The following ETFBKMT variants were observed in gnomAD, a reference collection of about 807,000 sequenced individuals.
The protein encoded by ETFBKMT is electron transfer flavoprotein subunit beta lysine methyltransferase, also known as electron transfer flavoprotein beta subunit lysine methyltransferase.
In ETFBKMT, 13 loss-of-function variants were observed where a neutral mutation model predicts 18.3. That is an observed-to-expected ratio of 0.71 (90% CI 0.46 to 1.13). The LOEUF (loss-of-function observed/expected upper bound fraction) is 1.13. Among genes scored for constraint, ETFBKMT ranks in the 50% most tolerant of loss-of-function variants. The probability of loss-of-function intolerance (pLI) is 0.00; values close to 1 mark genes in which losing one functional copy is unlikely to be tolerated. For missense variants in ETFBKMT, 293 were observed against 306.2 expected (o/e 0.96, Z 0.32); for synonymous variants, 84 against 107.9 (o/e 0.78, Z 1.37).
At chr12:31,651,836 T>C (rs1409671195) in intron 1 of ETFBKMT, among the ~76,000 whole-genome samples, 4 of 152,322 alleles carry the variant, frequency 2.6e-5, no homozygotes, top group South Asian at 4.1e-4. Flanking sequence ...TTCTTTTTCA[T>C]GAAAAGCAGC....
At position 31,650,347 on chromosome 12, in the gene ETFBKMT, T is replaced by C. The variant is rs552195015; in HGVS notation, c.-114+3092T>C. On this transcript the variant is annotated intron_variant, in intron 1 of 3. Coordinates refer to the ETFBKMT transcript ENST00000412352. ...GTGGCAACATCAGGAAGTTACCCTA[T>C]ATAGTCTCAAAGGGGAGGCATAAAT... Among the ~76,000 whole-genome samples the C allele has an allele frequency of 1.1e-4, 17 of 152,204 alleles. No homozygotes were observed. In the South Asian group the frequency reaches 3.5e-3, roughly 32 times the overall value.
chr12:31,655,512 G>C (rs932257879), upstream of ETFBKMT, among the ~76,000 whole-genome samples: 4 of 152,186 alleles, frequency 2.6e-5, no homozygotes, highest in Admixed American at 1.3e-4. Flanking sequence ...CACACCGACT[G>C]TGTCAATTAT....
At position 31,672,057 on chromosome 12, in the gene ETFBKMT, G is replaced by A. The variant is rs1951284240; in HGVS notation, c.*4067G>A. On this transcript the variant is annotated 3_prime_UTR_variant, in exon 4 of 4. Coordinates refer to ENST00000357721, the MANE Select transcript of ETFBKMT (RefSeq NM_001135863.2). The stretch of plus-strand genomic sequence containing the variant: ...CACCATAGATCAGAGTTCATGCTAG[G>A]ATTATCATTTCAAAAATAATGACTC... 5.2e-6 allele frequency: 2 copies of A among 385,674 alleles called. No homozygotes were observed. Among genetic ancestry groups the A allele is most frequent in the South Asian group, 9.0e-5 (2 of 22,152 alleles). The allele number at this position is 385,674 out of a possible 1,614,324, so 23.9% of individuals were successfully genotyped here.
Position 31,672,095 on chromosome 12 carries a change from T to C in ETFBKMT, c.*4105T>C. 6.4e-6 allele frequency: 3 copies of C among 468,378 alleles called. No homozygotes were observed. Among genetic ancestry groups the C allele is most frequent in the South Asian group, 7.2e-5 (2 of 27,652 alleles). The allele number at this position is 468,378 out of a possible 1,614,324, so 29.0% of individuals were successfully genotyped here. A position where few individuals can be genotyped will look rare whatever the true frequency, so the allele number is the denominator to read the frequency against. ...AAAATAATGACTCATCCAACAGATA[T>C]AGAATAATAGCACTTTAAAGATGTT... On this transcript the variant is annotated 3_prime_UTR_variant, in exon 4 of 4. Transcript: ENST00000357721.
upstream of ETFBKMT, among the ~76,000 whole-genome samples, chr12:31,655,871 G>C (rs11051516): frequency 0.059 from 9,027 of 152,230 alleles, 528 homozygotes; most frequent in East Asian, 0.27. Context: ...TGGATTGATT[G>C]AGATTCTTGC....
intron 2 of ETFBKMT, 123 bp downstream of exon 2, chr12:31,662,390 T>C: frequency 1.2e-6 from 1 of 857,930 alleles, no homozygotes; most frequent in Non-Finnish European, 1.8e-6. Flanking sequence ...CTCAGTACTT[T>C]GGGAGGCTGA....
chr12:31,664,102 C>G (rs1161196371), intron 2 of ETFBKMT, among the ~76,000 whole-genome samples: 1 of 151,526 alleles, frequency 6.6e-6, no homozygotes, highest in East Asian at 1.9e-4. Flanking sequence ...AACGGGTCCC[C>G]TTCACCCCTG....
chr12:31,651,412 T>G (rs1160324610), intron 1 of ETFBKMT, among the ~76,000 whole-genome samples: 1 of 151,262 alleles, frequency 6.6e-6, no homozygotes, highest in Non-Finnish European at 1.5e-5. Flanking sequence ...CGGGTTGCAG[T>G]GAGGCAACCC....
rs1442301284 is a variant in ETFBKMT, at chr12:31,671,576, G to A, written c.*3586G>A. On this transcript the variant is annotated 3_prime_UTR_variant, in exon 4 of 4. Coordinates refer to ENST00000357721, the MANE Select transcript of ETFBKMT (RefSeq NM_001135863.2). ...GAAATCAATAAACCTGAGGATACAA[G>A]TCTCTGTAGTGATATTCTGTATTTA... 1 of 152,112 alleles carries A rather than the reference G, an allele frequency of 6.6e-6. No individual in the cohort carries two copies. The highest frequency in any genetic ancestry group is 1.5e-5 in the Non-Finnish European group (1 of 68,014). 9.4% of individuals were successfully genotyped at this position (152,112 alleles called of 1,614,324 possible). A position where few individuals can be genotyped will look rare whatever the true frequency, so the allele number is the denominator to read the frequency against.
chr12:31,663,417 G>A (rs369942320), intron 2 of ETFBKMT, among the ~76,000 whole-genome samples: 6 of 151,946 alleles, frequency 3.9e-5, no homozygotes, highest in African/African-American at 1.5e-4. Flanking sequence ...GTAGAGACAG[G>A]GTTTCACCAT....
At position 31,672,656 on chromosome 12, in the gene ETFBKMT, G is replaced by C. The variant is rs114316738; in HGVS notation, c.*4666G>C. Reference sequence around the variant, plus strand: ...AATTTCATCATAATTCCACCAACCAGAGTAATGGTCTAATTTCACCATTAA... The same window carrying C: ...AATTTCATCATAATTCCACCAACCACAGTAATGGTCTAATTTCACCATTAA... On this transcript the variant is annotated 3_prime_UTR_variant, in exon 4 of 4. Transcript: ENST00000357721. 3.3e-4 allele frequency: 98 copies of C among 293,460 alleles called. No individual in the cohort carries two copies. Among genetic ancestry groups the C allele is most frequent in the African/African-American group, 2.1e-3 (96 of 45,788 alleles). The allele number at this position is 293,460 out of a possible 1,614,324, so 18.2% of individuals were successfully genotyped here. A position where few individuals can be genotyped will look rare whatever the true frequency, so the allele number is the denominator to read the frequency against.
At chr12:31,650,626 C>CTTTTTTTTTTTTTTTTTTTTTTTTTTTT (rs543201341) in intron 1 of ETFBKMT, among the ~76,000 whole-genome samples, 3 of 140,640 alleles carry the variant, frequency 2.1e-5, no homozygotes, top group Admixed American at 7.4e-5. Context: ...AATGACCTGA[C>CTTTTTTTTTTTTTTTTTTTTTTTTTTTT]CTTTTTTTTT....
At chr12:31,665,125 T>C (rs1160577942) in intron 2 of ETFBKMT, among the ~76,000 whole-genome samples, 1 of 143,356 alleles carries the variant, frequency 7.0e-6, no homozygotes, top group African/African-American at 2.6e-5. Flanking sequence ...TTAGTAGAGA[T>C]GGGATTTCAC....
intron 2 of ETFBKMT, 97 bp downstream of exon 2, chr12:31,662,364 G>A: frequency 2.7e-6 from 3 of 1,125,486 alleles, no homozygotes; most frequent in African/African-American, 1.5e-5. Flanking sequence ...TAGGCGTGGT[G>A]GCTCATGCCT....
chr12:31,665,482 T>C (rs922249841), intron 2 of ETFBKMT, among the ~76,000 whole-genome samples: 16 of 150,010 alleles, frequency 1.1e-4, no homozygotes, highest in African/African-American at 4.1e-4. Flanking sequence ...CTTTTCTTTC[T>C]TTTCCTTTTC....
At chr12:31,650,874 A>C (rs1382860561) in intron 1 of ETFBKMT, among the ~76,000 whole-genome samples, 1 of 152,062 alleles carries the variant, frequency 6.6e-6, no homozygotes, top group Non-Finnish European at 1.5e-5. Context: ...GCGGCCAAGG[A>C]AGCTGAGAGG....
rs1565756372 is a variant in ETFBKMT at position 31,672,530 on chromosome 12, ATAAT to A, written c.*4549_*4552del. The A allele has an allele frequency of 3.4e-6, 2 of 583,782 alleles. No individual in the cohort carries two copies. Among genetic ancestry groups the A allele is most frequent in the Admixed American group, 2.7e-5 (1 of 36,514 alleles). 36.2% of individuals were successfully genotyped at this position (583,782 alleles called of 1,614,324 possible). On this transcript the variant is annotated 3_prime_UTR_variant, in exon 4 of 4. Transcript: ENST00000357721. ...AGCACAATATACAACTAACTCACTA[ATAAT>A]TAATTAATGGTAGCCCTCACTATTA...
chr12:31,666,002 A>C, intron 2 of ETFBKMT, 85 bp from the exon 3 acceptor site: 1 of 1,258,168 alleles, frequency 7.9e-7, no homozygotes, highest in Non-Finnish European at 1.1e-6. Flanking sequence ...TTTTGGGGCC[A>C]GTTTATGGCC....
At chr12:31,652,520 C>A (rs775870332) in intron 1 of ETFBKMT, among the ~76,000 whole-genome samples, 22 of 152,296 alleles carry the variant, frequency 1.4e-4, no homozygotes, top group Non-Finnish European at 2.4e-4. Flanking sequence ...CAGGTCGTCG[C>A]CCCTTTCATC....
Sources: allele counts gnomAD v4.1 joint callset (sites outside exome capture counted in the v4.1 genomes callset), GRCh38; gene constraint gnomAD v4.1.1; transcripts MANE v1.5; gene names NCBI Gene and HGNC (gene_info 2026-07-23, HGNC 2026-07-21).